NDST1: variants seen among roughly 807,000 people sequenced by gnomAD.
NDST1 encodes the protein N-deacetylase and N-sulfotransferase 1, also known as bifunctional heparan sulfate N-deacetylase/N-sulfotransferase 1.
A neutral mutation model predicts 92.8 loss-of-function variants in NDST1; 35 were observed. That is an observed-to-expected ratio of 0.38 (90% CI 0.29 to 0.50). NDST1 has a LOEUF of 0.50. NDST1 is among the 20% of genes least tolerant of loss of function. The probability of loss-of-function intolerance (pLI) is 0.94; values close to 1 mark genes in which losing one functional copy is unlikely to be tolerated. For missense variants in NDST1, 822 were observed against 1,182.7 expected, an observed-to-expected ratio of 0.69 and a Z score of 4.47; for synonymous variants, 493 against 500.3, an observed-to-expected ratio of 0.99 and a Z score of 0.19.
At chr5:150,531,255 TC>T (rs2151283212) in intron 3 of NDST1, among the ~76,000 whole-genome samples, 1 of 152,248 alleles carries the variant, frequency 6.6e-6, no homozygotes, top group East Asian at 1.9e-4. Context: ...CTTCATTGGG[TC>T]CTTACAGCAG....
intron 14 of NDST1, 149 bp downstream of exon 14, chr5:150,552,004 G>A (rs1755745293): frequency 7.4e-7 from 1 of 1,344,860 alleles, no homozygotes; most frequent in East Asian, 2.8e-5. Context: ...GGAGGAAAAT[G>A]GGGGCTGGGA....
chr5:150,518,157 C>A (rs772295014), intron 1 of NDST1, among the ~76,000 whole-genome samples: 25 of 152,022 alleles, frequency 1.6e-4, no homozygotes, highest in Non-Finnish European at 1.9e-4. Flanking sequence ...GTGGTATGTG[C>A]CATTTCCTCT....
chr5:150,531,066 GT>G (rs397954646), intron 3 of NDST1, among the ~76,000 whole-genome samples: 53 of 147,124 alleles, frequency 3.6e-4, no homozygotes, highest in Middle Eastern at 3.5e-3. Context: ...AAAGGGCAGA[GT>G]TTTTTTTTTT....
At chr5:150,505,321 G>T (rs1295052158), upstream of NDST1, among the ~76,000 whole-genome samples, 2 of 152,192 alleles carry the variant, frequency 1.3e-5, no homozygotes, top group East Asian at 3.8e-4. Context: ...AATGTGGGAG[G>T]TGCAAAGAGC....
At position 150,521,433 on chromosome 5, in the gene NDST1, C is replaced by T. The variant is rs775828301; in HGVS notation, c.179C>T (p.Pro60Leu). The T allele has an allele frequency of 3.6e-5, 58 of 1,612,978 alleles. 1 individual carries two copies. Among genetic ancestry groups the T allele is most frequent in the East Asian group, 2.5e-4 (11 of 44,876 alleles). The change falls in exon 2 of 15, where the codon CCG becomes CTG. Residue 60 changes from proline to leucine, a missense_variant. Coordinates refer to ENST00000261797, the MANE Select transcript of NDST1 (RefSeq NM_001543.5). This position sits in a 1 kb window ranked among gnomAD's most constrained non-coding sequence, Gnocchi z 5.9. ...CCCGAGCCTGACTGCGGGGACCCGC[C>T]GCCTGTGGCCCCCAGTCGCCTGCTG... ...DAPEPDCGDP[P>L]PVAPSRLLPL...
chr5:150,539,666 GAAC>G (rs1198974576), intron 7 of NDST1: 1 of 985,098 alleles, frequency 1.0e-6, no homozygotes, highest in Admixed American at 6.2e-5. Context: ...ACACATATAT[GAAC>G]AACATTTGAG....
At chr5:150,541,275 C>T (rs1755235998) in intron 8 of NDST1, among the ~76,000 whole-genome samples, 2 of 152,192 alleles carry the variant, frequency 1.3e-5, no homozygotes, top group Non-Finnish European at 1.5e-5. Context: ...TTATAGGAAG[C>T]GTTTCTTGAC....
At chr5:150,513,497 C>G (rs1561589791) in intron 1 of NDST1, among the ~76,000 whole-genome samples, 1 of 152,166 alleles carries the variant, frequency 6.6e-6, no homozygotes, top group African/African-American at 2.4e-5. Flanking sequence ...TTCAAAGATT[C>G]AAGCTCAGGC....
intron 1 of NDST1, among the ~76,000 whole-genome samples, chr5:150,512,145 T>C (rs1753752493): frequency 6.6e-6 from 1 of 152,118 alleles, no homozygotes; most frequent in African/African-American, 2.4e-5. Context: ...CAGAGCTCTT[T>C]CTGCACTGAC....
chr5:150,543,115 C>A, intron 10 of NDST1, 144 bp downstream of exon 10: 1 of 1,149,620 alleles, frequency 8.7e-7, no homozygotes, highest in Non-Finnish European at 1.3e-6. Flanking sequence ...TGCAGTGACC[C>A]TTGAATCATG....
intron 1 of NDST1, among the ~76,000 whole-genome samples, chr5:150,516,072 T>C (rs2151260813): frequency 6.6e-6 from 1 of 151,866 alleles, no homozygotes; most frequent in East Asian, 1.9e-4. Flanking sequence ...TTGGCTTCTA[T>C]CCAGGCAGCC....
chr5:150,501,574 C>T (rs757663945), intron 1 of NDST1, among the ~76,000 whole-genome samples: 1 of 152,186 alleles, frequency 6.6e-6, no homozygotes, highest in Non-Finnish European at 1.5e-5. Context: ...AGCCCCTGGT[C>T]TGTAGGGGCT....
intron 1 of NDST1, among the ~76,000 whole-genome samples, chr5:150,517,601 G>A (rs1277204908): frequency 6.6e-6 from 1 of 152,154 alleles, no homozygotes; most frequent in Non-Finnish European, 1.5e-5. Flanking sequence ...ATACACAGTA[G>A]TTTCACTGCC....
At chr5:150,526,180 C>T (rs1345853216) in intron 2 of NDST1, among the ~76,000 whole-genome samples, 2 of 152,190 alleles carry the variant, frequency 1.3e-5, no homozygotes, top group Non-Finnish European at 2.9e-5. Flanking sequence ...GTCCCTTTCT[C>T]CAGGAGACCT....
At chr5:150,551,555 G>C (rs1315818461) in intron 13 of NDST1, among the ~76,000 whole-genome samples, 198 bp from the exon 14 acceptor site, 1 of 152,226 alleles carries the variant, frequency 6.6e-6, no homozygotes, top group Non-Finnish European at 1.5e-5. Flanking sequence ...CCCTTTGCCG[G>C]AAGTAGGACA....
upstream of NDST1, among the ~76,000 whole-genome samples, chr5:150,505,554 A>T (rs1279164524): frequency 6.6e-6 from 1 of 152,216 alleles, no homozygotes; most frequent in African/African-American, 2.4e-5. Flanking sequence ...AGCCCAGAAC[A>T]TAATGGCATC....
At chr5:150,546,157 C>T (rs374213449) in intron 11 of NDST1, among the ~76,000 whole-genome samples, 70 of 152,220 alleles carry the variant, frequency 4.6e-4, no homozygotes, top group African/African-American at 1.6e-3. Flanking sequence ...ACCACCACGC[C>T]AGGCTAATTT....
chr5:150,501,870 G>C (rs558039997), intron 1 of NDST1, among the ~76,000 whole-genome samples: 3 of 152,336 alleles, frequency 2.0e-5, no homozygotes, highest in South Asian at 2.1e-4. Context: ...AGCCATGTCA[G>C]GTGGTCAGGA....
At chr5:150,505,950 G>T (rs1398471658), upstream of NDST1, among the ~76,000 whole-genome samples, 6 of 151,918 alleles carry the variant, frequency 3.9e-5, no homozygotes, top group Non-Finnish European at 7.4e-5. Flanking sequence ...CTGGCTTCAT[G>T]ATTCTGTTTT....
Sources: allele counts gnomAD v4.1 joint callset (sites outside exome capture counted in the v4.1 genomes callset), GRCh38; gene constraint gnomAD v4.1.1; non-coding constraint Gnocchi (gnomAD v3.1); transcripts MANE v1.5; gene names NCBI Gene and HGNC (gene_info 2026-07-23, HGNC 2026-07-21).